The following WDFY3 variants were observed in gnomAD, a reference collection of about 807,000 sequenced individuals.
The protein encoded by WDFY3 is WD repeat and FYVE domain-containing protein 3.
Under a neutral mutation model 409.6 loss-of-function variants are expected in WDFY3, and 66 were observed. That is an observed-to-expected ratio of 0.16 (90% CI 0.13 to 0.20). The LOEUF is 0.20. WDFY3 is among the 10% of genes least tolerant of loss of function. The pLI, the probability that WDFY3 is intolerant of heterozygous loss-of-function variation, is 1.00. For missense variants in WDFY3, 3,031 were observed against 4,298.1 expected (o/e 0.71, Z 8.24); for synonymous variants, 1,521 against 1,537.1 (o/e 0.99, Z 0.25).
intron 58 of WDFY3, among the ~76,000 whole-genome samples, chr4:84,695,598 CT>C (rs1184965829): frequency 6.7e-6 from 1 of 149,478 alleles, no homozygotes; most frequent in Non-Finnish European, 1.5e-5. Flanking sequence ...GAATGAACTT[CT>C]AAAGTTTAAA....
chr4:84,921,689 ACT>A (rs1769305187), intron 2 of WDFY3, among the ~76,000 whole-genome samples: 1 of 111,368 alleles, frequency 9.0e-6, no homozygotes, highest in South Asian at 2.7e-4. Flanking sequence ...ACGGAGTCTC[ACT>A]CTGTCGCCCA....
Position 84,918,181 on chromosome 4 carries a change from C to T in WDFY3, c.-132+14089G>A, listed in dbSNP as rs542501441. Among the ~76,000 whole-genome samples the T allele has an allele frequency of 7.2e-5, 11 of 152,234 alleles. No individual in the cohort carries two copies. In the East Asian group the frequency reaches 1.4e-3, roughly 19 times the overall value. ...AAAACTACATAGGCATTTACCACTT[C>T]GACCTAGTAATTCCACTCCTACATT... On this transcript the variant is annotated intron_variant, in intron 2 of 67. Coordinates refer to ENST00000295888, the MANE Select transcript of WDFY3 (RefSeq NM_014991.6).
At chr4:84,951,479 G>T (rs1773603144) in intron 1 of WDFY3, among the ~76,000 whole-genome samples, 1 of 152,136 alleles carries the variant, frequency 6.6e-6, no homozygotes, top group Admixed American at 6.6e-5. Context: ...TCCTTTAAAT[G>T]ATAACAGATG....
intron 15 of WDFY3, chr4:84,804,036 T>C (rs1285401752): frequency 6.6e-6 from 1 of 152,270 alleles, no homozygotes; most frequent in Non-Finnish European, 1.5e-5. Flanking sequence ...GGAACTACTT[T>C]CATCTTCTGC....
chr4:84,772,685 T>G (rs1451990140), intron 30 of WDFY3, 150 bp downstream of exon 30: 1 of 616,526 alleles, frequency 1.6e-6, no homozygotes, highest in Non-Finnish European at 2.7e-6. Flanking sequence ...GACAAATACA[T>G]CAGAGAAGGG....
rs1015186954 is a variant in WDFY3 at position 84,823,094 on chromosome 4, G to A, written c.1124-1543C>T. On this transcript the variant is annotated intron_variant, in intron 10 of 67. Coordinates refer to ENST00000295888, the MANE Select transcript of WDFY3 (RefSeq NM_014991.6). ...ACAACTTAAGTGACCTGATTTTAAG[G>A]CTTATTATAAAGCTACAGCAATCAA... is the stretch of plus-strand genomic sequence containing the variant. 2.0e-5 allele frequency among the ~76,000 whole-genome samples: 3 copies of A among 152,092 alleles called. No homozygotes were observed. The East Asian group carries it at 5.8e-4, about 29-fold the overall frequency.
intron 36 of WDFY3, among the ~76,000 whole-genome samples, chr4:84,749,808 A>G (rs1428775076): frequency 1.3e-5 from 2 of 152,062 alleles, no homozygotes; most frequent in Non-Finnish European, 2.9e-5. Context: ...CCTGAACTGT[A>G]CTCCTACTCG....
At chr4:84,693,281 C>A (rs1047811649) in intron 58 of WDFY3, among the ~76,000 whole-genome samples, 1 of 152,198 alleles carries the variant, frequency 6.6e-6, no homozygotes, top group South Asian at 2.1e-4. Context: ...CTATGCTAAG[C>A]TGAATTCACA....
chr4:84,685,273 G>A (rs1009641160), intron 62 of WDFY3, among the ~76,000 whole-genome samples: 2 of 152,210 alleles, frequency 1.3e-5, no homozygotes, highest in Non-Finnish European at 2.9e-5. Context: ...GGAGGAGGCT[G>A]GGGTAGGGTG....
chr4:84,711,715 G>T (rs925840095), intron 51 of WDFY3, among the ~76,000 whole-genome samples: 1 of 151,882 alleles, frequency 6.6e-6, no homozygotes, highest in Non-Finnish European at 1.5e-5. Flanking sequence ...GCCAGGTGTG[G>T]TGGCGCGCAC....
At chr4:84,741,594 T>A (rs1738437147) in intron 38 of WDFY3, among the ~76,000 whole-genome samples, 167 bp downstream of exon 38, 1 of 152,088 alleles carries the variant, frequency 6.6e-6, no homozygotes, top group African/African-American at 2.4e-5. Flanking sequence ...ATACTACAGG[T>A]GTGAGTCACT....
intron 1 of WDFY3, among the ~76,000 whole-genome samples, chr4:84,941,898 G>A (rs1772184687): frequency 6.6e-6 from 1 of 151,914 alleles, no homozygotes; most frequent in South Asian, 2.1e-4. Flanking sequence ...TGACAAAGAT[G>A]TCAAGCAATT....
At chr4:84,939,684 G>C (rs549679440) in intron 1 of WDFY3, among the ~76,000 whole-genome samples, 1 of 151,676 alleles carries the variant, frequency 6.6e-6, no homozygotes, top group East Asian at 1.9e-4. Flanking sequence ...AATTTGGCTA[G>C]CAGGAATGCC....
intron 60 of WDFY3, among the ~76,000 whole-genome samples, chr4:84,691,363 G>A (rs539149394): frequency 6.6e-6 from 1 of 152,314 alleles, no homozygotes; most frequent in African/African-American, 2.4e-5. Flanking sequence ...AATTCTTTGA[G>A]TGAGAAGGAA....
At chr4:84,906,084 T>C (rs1400142390) in intron 2 of WDFY3, among the ~76,000 whole-genome samples, 1 of 152,210 alleles carries the variant, frequency 6.6e-6, no homozygotes, top group Admixed American at 6.5e-5. Context: ...AGACAGAATA[T>C]GTCTGTTTTG....
chr4:84,803,269 A>T (rs372613064), intron 16 of WDFY3, 21 bp downstream of exon 16: 1 of 1,587,676 alleles, frequency 6.3e-7, no homozygotes, highest in Non-Finnish European at 8.6e-7. Flanking sequence ...GACGGGAAGG[A>T]ACTAACATAT....
chr4:84,821,539 C>G lies in WDFY3; in HGVS notation c.1136G>C (p.Arg379Thr). 1 of 1,612,038 alleles carries G rather than the reference C, an allele frequency of 6.2e-7. No individual in the cohort carries two copies. Among genetic ancestry groups the G allele is most frequent in the Non-Finnish European group, 8.5e-7 (1 of 1,178,902 alleles). ...AAGAACTGCAAAGGCCTGGACGTTT[C>G]TCACACTGTGACCTAGAACAGAAAA... is the stretch of plus-strand genomic sequence containing the variant. Reference protein sequence around the residue: ...PQPAGKGHSVRNVQAFAVLQN... With the variant: ...PQPAGKGHSVTNVQAFAVLQN... Residue 379 changes from arginine to threonine, a missense_variant, in exon 11 of 68, where the codon AGA becomes ACA. Physicochemically the swap from Arg to Thr is moderately conservative, Grantham distance 71. This residue lies in a region of WDFY3 where 1,322 missense variants were observed against 1,697.9 expected (regional missense o/e 0.78). Transcript: ENST00000295888.
intron 1 of WDFY3, among the ~76,000 whole-genome samples, chr4:84,947,356 C>CA (rs1387907362): frequency 6.7e-6 from 1 of 148,496 alleles, no homozygotes; most frequent in African/African-American, 2.5e-5. Flanking sequence ...ACTAAAAATA[C>CA]AAAAAATTGG....
intron 18 of WDFY3, 70 bp downstream of exon 18, chr4:84,797,926 G>C: frequency 1.5e-6 from 2 of 1,366,446 alleles, no homozygotes; most frequent in South Asian, 1.3e-5. Context: ...CAAACTTCTT[G>C]AAATAATATT....
Sources: allele counts gnomAD v4.1 joint callset (sites outside exome capture counted in the v4.1 genomes callset), GRCh38; gene constraint gnomAD v4.1.1; regional missense constraint gnomAD v4.1.1; transcripts MANE v1.5; gene names NCBI Gene and HGNC (gene_info 2026-07-23, HGNC 2026-07-21).